B3GALT1: variants seen among roughly 807,000 people sequenced by gnomAD.
B3GALT1 encodes the protein UDP-Gal:betaGlcNAc beta 1,3-galactosyltransferase, polypeptide 1.
In B3GALT1, 10 loss-of-function variants were observed where a neutral mutation model predicts 23.2. The ratio of observed to expected loss-of-function variants is 0.43; its 90% CI spans 0.27 to 0.73. The LOEUF (loss-of-function observed/expected upper bound fraction) is 0.73, where lower values mean the gene tolerates loss of function less well. B3GALT1 is among the 30% of genes least tolerant of loss of function. B3GALT1 has a pLI of 0.21. For synonymous variants in B3GALT1, 156 were observed against 141.5 expected (o/e 1.10, Z -0.73); for missense variants, 299 against 405.4 (o/e 0.74, Z 2.25).
chr2:167,485,807 T>C (rs1255825611), intron 1 of B3GALT1, among the ~76,000 whole-genome samples: 2 of 152,220 alleles, frequency 1.3e-5, no homozygotes, highest in East Asian at 1.9e-4. Context: ...GTTTTCAAAA[T>C]GTTCAGTGCC....
intron 1 of B3GALT1, among the ~76,000 whole-genome samples, chr2:167,479,144 ATCACT>A (rs1238282124): frequency 1.3e-5 from 2 of 152,142 alleles, no homozygotes; most frequent in African/African-American, 2.4e-5. Context: ...CATGGAGTAG[ATCACT>A]TCACCTTTAT....
At chr2:167,451,468 T>C (rs1317565813) in intron 1 of B3GALT1, among the ~76,000 whole-genome samples, 1 of 152,188 alleles carries the variant, frequency 6.6e-6, no homozygotes, top group Non-Finnish European at 1.5e-5. Flanking sequence ...ATCTCTCTTC[T>C]GGATCTCGCC....
intron 1 of B3GALT1, among the ~76,000 whole-genome samples, chr2:167,476,528 A>G (rs531960596): frequency 7.2e-4 from 110 of 152,202 alleles, no homozygotes; most frequent in African/African-American, 2.6e-3. Flanking sequence ...TTACACCTTC[A>G]CAGCTTCTTG....
intron 1 of B3GALT1, among the ~76,000 whole-genome samples, chr2:167,400,543 G>T (rs545126892): frequency 4.4e-4 from 67 of 152,020 alleles, no homozygotes; most frequent in African/African-American, 1.6e-3. Flanking sequence ...TTTTTCAATA[G>T]GGAGTACTAT....
At chr2:167,651,653 A>G (rs1312188377) in intron 3 of B3GALT1, among the ~76,000 whole-genome samples, 1 of 152,198 alleles carries the variant, frequency 6.6e-6, no homozygotes, top group Non-Finnish European at 1.5e-5. Context: ...ATGTTTAACA[A>G]AACAGACATG....
chr2:167,354,513 A>C (rs1421585607), intron 1 of B3GALT1, among the ~76,000 whole-genome samples: 1 of 151,592 alleles, frequency 6.6e-6, no homozygotes, highest in African/African-American at 2.4e-5. Context: ...CGCCCAGCTA[A>C]TTTTTGTACT....
intron 1 of B3GALT1, among the ~76,000 whole-genome samples, chr2:167,391,802 G>A (rs1409126573): frequency 6.6e-6 from 1 of 152,082 alleles, no homozygotes; most frequent in Non-Finnish European, 1.5e-5. Context: ...AGGAGAGCAG[G>A]TTGCCTACTT....
chr2:167,524,004 TAG>T (rs1265179692), intron 2 of B3GALT1, among the ~76,000 whole-genome samples: 5 of 152,190 alleles, frequency 3.3e-5, no homozygotes, highest in African/African-American at 4.8e-5. Flanking sequence ...TTTATATATG[TAG>T]AATTTTCTTG....
chr2:167,622,370 G>A (rs1685274601), intron 2 of B3GALT1, among the ~76,000 whole-genome samples: 1 of 152,050 alleles, frequency 6.6e-6, no homozygotes, highest in South Asian at 2.1e-4. Context: ...TGAGCCAGTG[G>A]TGCCAGGAGA....
chr2:167,324,513 T>C (rs1696862028), intron 1 of B3GALT1, among the ~76,000 whole-genome samples: 1 of 152,092 alleles, frequency 6.6e-6, no homozygotes, highest in Non-Finnish European at 1.5e-5. Context: ...TGCTGGCTTC[T>C]ATTTGTTATT....
intron 3 of B3GALT1, among the ~76,000 whole-genome samples, chr2:167,688,160 A>G (rs983048618): frequency 1.8e-4 from 27 of 152,164 alleles, no homozygotes; most frequent in Non-Finnish European, 3.4e-4. Context: ...CTCAGCTCTC[A>G]GTCCCATTTC....
At chr2:167,732,755 C>A (rs187289954) in intron 3 of B3GALT1, among the ~76,000 whole-genome samples, 130 of 152,232 alleles carry the variant, frequency 8.5e-4, no homozygotes, top group Non-Finnish European at 1.6e-3. Context: ...GTAGTAGTGG[C>A]ATTCTGGTAA....
chr2:167,799,082 G>A (rs10196226), intron 3 of B3GALT1, among the ~76,000 whole-genome samples: 31,156 of 152,072 alleles, frequency 0.2, 3,726 homozygotes, highest in African/African-American at 0.31. Context: ...TGTGATTTCA[G>A]TGAGTACCCT....
At chr2:167,428,701 A>G (rs1309087011) in intron 1 of B3GALT1, among the ~76,000 whole-genome samples, 1 of 152,080 alleles carries the variant, frequency 6.6e-6, no homozygotes, top group Non-Finnish European at 1.5e-5. Context: ...CATGATCCAG[A>G]CAACAATTCT....
intron 2 of B3GALT1, among the ~76,000 whole-genome samples, chr2:167,528,549 A>G (rs1290760309): frequency 6.6e-6 from 1 of 152,114 alleles, no homozygotes; most frequent in Non-Finnish European, 1.5e-5. Flanking sequence ...ACCTAGACCA[A>G]ATTCTACTTC....
At chr2:167,355,601 G>C (rs1697388453) in intron 1 of B3GALT1, among the ~76,000 whole-genome samples, 1 of 152,074 alleles carries the variant, frequency 6.6e-6, no homozygotes, top group East Asian at 1.9e-4. Flanking sequence ...TTATTGTTCA[G>C]TATTAGCCTT....
intron 2 of B3GALT1, among the ~76,000 whole-genome samples, chr2:167,502,679 AG>A (rs1001849463): frequency 4.6e-5 from 7 of 152,034 alleles, no homozygotes; most frequent in East Asian, 1.9e-4. Flanking sequence ...AAGAACAGCA[AG>A]GGGGGGATCC....
chr2:167,382,983 T>C (rs2105277347), intron 1 of B3GALT1, among the ~76,000 whole-genome samples: 1 of 152,196 alleles, frequency 6.6e-6, no homozygotes, highest in South Asian at 2.1e-4. Context: ...AAGAATAAAT[T>C]CCATGTGTGA....
chr2:167,686,395 A>G (rs1022153693), intron 3 of B3GALT1, among the ~76,000 whole-genome samples: 3 of 152,146 alleles, frequency 2.0e-5, no homozygotes, highest in African/African-American at 7.2e-5. Context: ...AAATTCGGCA[A>G]TGCTTATTCA....
Sources: gnomAD v4.1 joint callset for allele counts (sites outside exome capture counted in the v4.1 genomes callset) on GRCh38, gnomAD v4.1.1 for gene constraint, MANE v1.5 for transcripts, NCBI Gene and HGNC (gene_info 2026-07-23, HGNC 2026-07-21) for gene names.